ZBTB44: variants seen among roughly 807,000 people sequenced by gnomAD.
ZBTB44 encodes the protein zinc finger and BTB domain-containing protein 44.
In ZBTB44, 15 loss-of-function variants were observed where a neutral mutation model predicts 54.0. The ratio of observed to expected loss-of-function variants is 0.28; its 90% CI spans 0.19 to 0.43. The LOEUF is 0.43. ZBTB44 is among the 20% of genes least tolerant of loss of function. The pLI is 1.00. For synonymous variants in ZBTB44, 230 were observed against 250.1 expected, an observed-to-expected ratio of 0.92 and a Z score of 0.76; for missense variants, 487 against 707.1, an observed-to-expected ratio of 0.69 and a Z score of 3.53.
intron 2 of ZBTB44, among the ~76,000 whole-genome samples, chr11:130,246,300 C>G (rs1202535919): frequency 6.6e-6 from 1 of 151,980 alleles, no homozygotes; most frequent in Non-Finnish European, 1.5e-5. Context: ...TATATATATA[C>G]ACACACATAT....
chr11:130,290,180 G>C (rs562229060), intron 1 of ZBTB44, among the ~76,000 whole-genome samples: 2 of 152,312 alleles, frequency 1.3e-5, no homozygotes, highest in Admixed American at 6.5e-5. Flanking sequence ...TGGGGAAGAG[G>C]AGGTGGTGTA....
rs929527223 is a variant in ZBTB44 at position 130,229,540 on chromosome 11, G to A, written c.*2224C>T. 1 of 151,996 alleles carries A rather than the reference G, an allele frequency of 6.6e-6. No individual in the cohort carries two copies. Among genetic ancestry groups the A allele is most frequent in the Non-Finnish European group, 1.5e-5 (1 of 67,964 alleles). 9.4% of individuals were successfully genotyped at this position (151,996 alleles called of 1,614,324 possible). A position where few individuals can be genotyped will look rare whatever the true frequency, so the allele number is the denominator to read the frequency against. ...TGTCACCATACTGTCAAGCAAAAAC[G>A]ACAATGAAAGATAAAAATGGGTATA... On this transcript the variant is annotated 3_prime_UTR_variant, in exon 8 of 8. Coordinates refer to ENST00000357899, the MANE Select transcript of ZBTB44 (RefSeq NM_001301098.2).
At chr11:130,253,979 A>G (rs1938231743) in intron 2 of ZBTB44, among the ~76,000 whole-genome samples, 1 of 152,256 alleles carries the variant, frequency 6.6e-6, no homozygotes, top group Non-Finnish European at 1.5e-5. Flanking sequence ...AGGATTCCCT[A>G]TTTAATAAAT....
chr11:130,282,224 A>C (rs1404869682), intron 1 of ZBTB44, among the ~76,000 whole-genome samples: 1 of 152,200 alleles, frequency 6.6e-6, no homozygotes, highest in Non-Finnish European at 1.5e-5. Context: ...CTGTGGTTCA[A>C]CCATCCATCA....
chr11:130,233,314 C>T lies in ZBTB44; in HGVS notation c.*42G>A, dbSNP rs1475172055. The T allele has an allele frequency of 1.3e-6, 2 of 1,529,394 alleles. No homozygotes were observed. Among genetic ancestry groups the T allele is most frequent in the Non-Finnish European group, 1.7e-6 (2 of 1,143,786 alleles). 94.7% of individuals were successfully genotyped at this position (1,529,394 alleles called of 1,614,324 possible). A position where few individuals can be genotyped will look rare whatever the true frequency, so the allele number is the denominator to read the frequency against. Reference sequence around the variant, plus strand: ...GAAGCTGGGATTTACATACTTCATTCTCCGTTCCTGGTCATTTCATCCACA... The same window carrying T: ...GAAGCTGGGATTTACATACTTCATTTTCCGTTCCTGGTCATTTCATCCACA... On this transcript the variant is annotated 3_prime_UTR_variant, in exon 7 of 8. Coordinates refer to ENST00000357899, the MANE Select transcript of ZBTB44 (RefSeq NM_001301098.2).
intron 2 of ZBTB44, among the ~76,000 whole-genome samples, chr11:130,260,199 TG>T (rs1410362064): frequency 6.6e-6 from 1 of 152,206 alleles, no homozygotes; most frequent in Non-Finnish European, 1.5e-5. Context: ...TTCAGGCATC[TG>T]TACTTACTTA....
At chr11:130,296,822 T>C (rs1941682608) in intron 1 of ZBTB44, 1 of 748,616 alleles carries the variant, frequency 1.3e-6, no homozygotes, top group African/African-American at 1.7e-5. Context: ...ATGATTCCCA[T>C]TCTCTGAAAC....
chr11:130,239,114 G>C (rs1386598465), intron 3 of ZBTB44: 7 of 152,782 alleles, frequency 4.6e-5, no homozygotes, highest in Non-Finnish European at 1.0e-4. Flanking sequence ...TTTATAGGCA[G>C]AGTTGACAGG....
At chr11:130,275,766 T>C (rs1940015164) in intron 1 of ZBTB44, among the ~76,000 whole-genome samples, 1 of 151,984 alleles carries the variant, frequency 6.6e-6, no homozygotes, top group African/African-American at 2.4e-5. Context: ...TAGCTGGGAG[T>C]ACAGGCGCGT....
chr11:130,294,174 C>T (rs1941486595), intron 1 of ZBTB44, among the ~76,000 whole-genome samples: 1 of 151,908 alleles, frequency 6.6e-6, no homozygotes, highest in African/African-American at 2.4e-5. Context: ...TTTGTGGGGC[C>T]GAGATGGGTG....
rs989208958 is a variant in ZBTB44, at chr11:130,228,132, A to ATC, written c.*3630_*3631dup. On this transcript the variant is annotated 3_prime_UTR_variant, in exon 8 of 8. Coordinates refer to ENST00000357899, the MANE Select transcript of ZBTB44 (RefSeq NM_001301098.2). Reference sequence around the variant, plus strand: ...AGGCTGCCCTACAAAGAGGCAGGCAATCTCTACCTGATGCAACGGGAGGCA... The same window carrying ATC: ...AGGCTGCCCTACAAAGAGGCAGGCAATCTCTCTACCTGATGCAACGGGAGGCA... The ATC allele has an allele frequency of 6.6e-6, 1 of 152,236 alleles. No homozygotes were observed. Among genetic ancestry groups the ATC allele is most frequent in the Admixed American group, 6.5e-5 (1 of 15,286 alleles). 9.4% of individuals were successfully genotyped at this position (152,236 alleles called of 1,614,324 possible).
At position 130,227,676 on chromosome 11, in the gene ZBTB44, A is replaced by T. The variant is rs1953741181; in HGVS notation, c.*4088T>A. Reference sequence around the variant, plus strand: ...CACTAGGAAGTACTCCAGTTTTTAAATGGAGCCAGCTTTATGTTAGCCCTG... The same window carrying T: ...CACTAGGAAGTACTCCAGTTTTTAATTGGAGCCAGCTTTATGTTAGCCCTG... On this transcript the variant is annotated 3_prime_UTR_variant, in exon 8 of 8. Transcript: ENST00000357899. 6.6e-6 allele frequency: 1 copy of T among 152,208 alleles called. No individual in the cohort carries two copies. Among genetic ancestry groups the T allele is most frequent in the African/African-American group, 2.4e-5 (1 of 41,452 alleles). 9.4% of individuals were successfully genotyped at this position (152,208 alleles called of 1,614,324 possible).
In ZBTB44 at chr11:130,309,721, C is replaced by G. The variant is rs147184408; in HGVS notation, c.-57+4654G>C. Among the ~76,000 whole-genome samples the G allele has an allele frequency of 4.9e-3, 740 of 151,134 alleles. 6 individuals are homozygous for G. Among genetic ancestry groups the G allele is most frequent in the African/African-American group, 0.017 (720 of 41,166 alleles). On this transcript the variant is annotated intron_variant, in intron 1 of 7. Transcript: ENST00000357899. ...ACCAGCCTGGACAACATGGTGAAAC[C>G]CCATCTCTACTAATACAAAAATTAG...
intron 1 of ZBTB44, among the ~76,000 whole-genome samples, chr11:130,309,731 C>T (rs1194820354): frequency 6.6e-6 from 1 of 151,282 alleles, no homozygotes; most frequent in Non-Finnish European, 1.5e-5. Context: ...CCCATCTCTA[C>T]TAATACAAAA....
intron 1 of ZBTB44, among the ~76,000 whole-genome samples, chr11:130,303,523 T>C (rs921600195): frequency 3.3e-5 from 5 of 152,138 alleles, no homozygotes; most frequent in African/African-American, 1.2e-4. Context: ...TAATCCCAGC[T>C]ACTCGGGAGG....
intron 1 of ZBTB44, among the ~76,000 whole-genome samples, chr11:130,306,359 G>T (rs538414028): frequency 2.1e-4 from 32 of 152,136 alleles, no homozygotes; most frequent in African/African-American, 7.0e-4. Flanking sequence ...AAAATTAGCT[G>T]GGCGTGGTGG....
intron 1 of ZBTB44, among the ~76,000 whole-genome samples, chr11:130,268,997 A>C (rs573402026): frequency 6.6e-6 from 1 of 152,150 alleles, no homozygotes; most frequent in African/African-American, 2.4e-5. Context: ...CTCTTTAAAA[A>C]AAAAAAAATC....
intron 1 of ZBTB44, among the ~76,000 whole-genome samples, chr11:130,291,134 TG>T (rs1941280115): frequency 6.6e-6 from 1 of 152,080 alleles, no homozygotes; most frequent in African/African-American, 2.4e-5. Context: ...GGAAAGCCTT[TG>T]TTGTTTTTTT....
intron 1 of ZBTB44, among the ~76,000 whole-genome samples, chr11:130,290,527 T>C (rs997072361): frequency 5.9e-5 from 9 of 152,242 alleles, no homozygotes; most frequent in African/African-American, 2.2e-4. Flanking sequence ...CCTCTGCCTC[T>C]GCCTTGGACT....
Sources: allele counts gnomAD v4.1 joint callset (sites outside exome capture counted in the v4.1 genomes callset), GRCh38; gene constraint gnomAD v4.1.1; transcripts MANE v1.5; gene names NCBI Gene and HGNC (gene_info 2026-07-23, HGNC 2026-07-21).